GRHL2: variants seen among roughly 807,000 people sequenced by gnomAD.
GRHL2 encodes the protein grainyhead-like protein 2 homolog.
GRHL2 carries 21 observed loss-of-function variants against 83.8 expected under a neutral mutation model. The ratio of observed to expected loss-of-function variants is 0.25; its 90% confidence interval spans 0.18 to 0.36. The LOEUF (loss-of-function observed/expected upper bound fraction) is 0.36, where lower values mean the gene tolerates loss of function less well. GRHL2 is among the 10% of genes least tolerant of loss of function. GRHL2 has a pLI of 1.00. For synonymous variants in GRHL2, 280 were observed against 278.9 expected (o/e 1.00, Z -0.04); for missense variants, 623 against 781.8 (o/e 0.80, Z 2.42).
intron 1 of GRHL2, among the ~76,000 whole-genome samples, chr8:101,505,577 CA>C (rs11395323): frequency 0.13 from 12,865 of 100,824 alleles, 706 homozygotes; most frequent in African/African-American, 0.25. Flanking sequence ...AACTCTGTCT[CA>C]AAAAAAAAAA....
chr8:101,634,761 G>A (rs1813254179), intron 11 of GRHL2, among the ~76,000 whole-genome samples: 1 of 151,974 alleles, frequency 6.6e-6, no homozygotes, highest in Admixed American at 6.6e-5. Context: ...TTGGGGAGTG[G>A]GTATTTCACT....
At chr8:101,679,113 G>A in the GRHL2 span, among the ~76,000 whole-genome samples, 10 of 124,074 alleles carry the variant, frequency 8.1e-5, no homozygotes, top group East Asian at 2.2e-4. Flanking sequence ...GGCTTCAGAC[G>A]ATCAAATTAC....
At chr8:101,577,294 A>G in intron 6 of GRHL2, 114 bp from the exon 7 acceptor site, 1 of 736,880 alleles carries the variant, frequency 1.4e-6, no homozygotes, top group Non-Finnish European at 2.4e-6. Context: ...GGCTTTTCTA[A>G]AGCAAGAAAA....
intron 10 of GRHL2, 130 bp from the exon 11 acceptor site, chr8:101,632,096 T>C: frequency 1.0e-6 from 1 of 978,170 alleles, no homozygotes; most frequent in Admixed American, 1.8e-5. Context: ...GTGGGAGGTG[T>C]TGAAGTGTGT....
At position 101,496,744 on chromosome 8, in the gene GRHL2, G is replaced by T. The variant is rs190579961; in HGVS notation, c.20+3955G>T. On this transcript the variant is annotated intron_variant, in intron 1 of 15. Coordinates refer to ENST00000646743, the MANE Select transcript of GRHL2 (RefSeq NM_024915.4). ...GATCATGGACAGCTTCTCCAATGAG[G>T]TGAGCTTTGAGTGGAGGCCTGAGTG... 2.9e-4 allele frequency among the ~76,000 whole-genome samples: 44 copies of T among 152,302 alleles called. No individual in the cohort carries two copies. In the East Asian group the frequency reaches 6.8e-3, roughly 23 times the overall value.
intron 14 of GRHL2, among the ~76,000 whole-genome samples, chr8:101,651,941 A>T (rs1752936590): frequency 1.3e-5 from 2 of 152,186 alleles, no homozygotes; most frequent in Admixed American, 1.3e-4. Flanking sequence ...TTCCTCCAGG[A>T]TCCTCGGGTG....
chr8:101,516,801 G>T (rs1375162043), intron 1 of GRHL2, among the ~76,000 whole-genome samples: 1 of 152,168 alleles, frequency 6.6e-6, no homozygotes, highest in Non-Finnish European at 1.5e-5. Flanking sequence ...TTCCAACCAT[G>T]AAGATAAAGG....
Position 101,632,351 on chromosome 8 carries a change from C to A in GRHL2, c.1471C>A (p.Gln491Lys). The A allele has an allele frequency of 6.2e-7, 1 of 1,613,942 alleles. No homozygotes were observed. Among genetic ancestry groups the A allele is most frequent in the Non-Finnish European group, 8.5e-7 (1 of 1,179,850 alleles). ...ACCTGATGTTCACTTTGCAAACCTG[C>A]AGAGGACCGGACAGGTATGACCTAC... ...FIPDVHFANL[Q>K]RTGQVYYNTD... The change falls in exon 11 of 16, where the codon CAG becomes AAG. Residue 491 changes from glutamine to lysine, a missense_variant. Around this residue, in one of 8 missense-constraint regions of GRHL2, gnomAD observed 210 missense variants for 254.8 expected, o/e 0.82. Coordinates refer to ENST00000646743, the MANE Select transcript of GRHL2 (RefSeq NM_024915.4).
rs111593572 is a variant in GRHL2, at chr8:101,492,522, G to C, written c.-248G>C. On this transcript the variant is annotated 5_prime_UTR_variant, in exon 1 of 16. Transcript: ENST00000646743. ...CCACGATCCAGGAGGACTCCGCGCC[G>C]CCCGGCCGCCTCCGAGCTCGGGCCC... 4.9e-6 allele frequency: 3 copies of C among 606,256 alleles called. No homozygotes were observed. The highest frequency in any genetic ancestry group is 3.7e-5 in the African/African-American group (2 of 53,960). 37.6% of individuals were successfully genotyped at this position (606,256 alleles called of 1,614,324 possible).
chr8:101,609,067 C>T (rs970885820), intron 8 of GRHL2, among the ~76,000 whole-genome samples: 10 of 150,152 alleles, frequency 6.7e-5, no homozygotes, highest in Non-Finnish European at 1.3e-4. Flanking sequence ...TGAGAAAGGA[C>T]GAGATTGCTG....
chr8:101,499,023 T>C (rs1363102691), intron 1 of GRHL2, among the ~76,000 whole-genome samples: 4 of 148,978 alleles, frequency 2.7e-5, no homozygotes, highest in Admixed American at 6.8e-5. Context: ...TGCAGTGAGC[T>C]GAGATTGTGC....
intron 4 of GRHL2, among the ~76,000 whole-genome samples, chr8:101,563,019 G>C (rs78482217): frequency 0.023 from 3,494 of 152,262 alleles, 127 homozygotes; most frequent in African/African-American, 0.078. Flanking sequence ...TGAAAATAAT[G>C]AATATTTGAT....
chr8:101,640,858 A>G (rs1813386643), intron 12 of GRHL2, among the ~76,000 whole-genome samples: 1 of 152,124 alleles, frequency 6.6e-6, no homozygotes, highest in Non-Finnish European at 1.5e-5. Context: ...ACTCTCTCCA[A>G]GACTTTATTT....
At chr8:101,561,168 T>A (rs1009853103) in intron 4 of GRHL2, among the ~76,000 whole-genome samples, 4 of 151,912 alleles carry the variant, frequency 2.6e-5, no homozygotes, top group African/African-American at 9.7e-5. Flanking sequence ...TTTTTTTTTT[T>A]ACTTTTTAAA....
chr8:101,629,486 C>T (rs920028776), intron 9 of GRHL2, among the ~76,000 whole-genome samples: 1 of 151,942 alleles, frequency 6.6e-6, no homozygotes, highest in Non-Finnish European at 1.5e-5. Context: ...GGAACTGAAC[C>T]CACAGTACCT....
chr8:101,527,958 T>A (rs1412051395), intron 1 of GRHL2, among the ~76,000 whole-genome samples: 1 of 152,188 alleles, frequency 6.6e-6, no homozygotes, highest in Non-Finnish European at 1.5e-5. Context: ...ATTTGTAGCA[T>A]TTTTAAATTT....
chr8:101,544,465 A>G (rs1456155561), intron 2 of GRHL2, among the ~76,000 whole-genome samples: 1 of 152,230 alleles, frequency 6.6e-6, no homozygotes, highest in East Asian at 1.9e-4. Flanking sequence ...CAGGAAATCA[A>G]ACAAAAACAA....
chr8:101,671,366 C>G (rs1814204963), downstream of GRHL2, among the ~76,000 whole-genome samples: 1 of 152,188 alleles, frequency 6.6e-6, no homozygotes, highest in Non-Finnish European at 1.5e-5. Context: ...AGATTATATC[C>G]CGCACGTGGC....
Position 101,573,650 on chromosome 8 carries a change from GT to G in GRHL2, c.735-15del, listed in dbSNP as rs767400607. 1 of 1,614,124 alleles carries G rather than the reference GT, an allele frequency of 6.2e-7. No homozygotes were observed. The highest frequency in any genetic ancestry group is 1.1e-5 in the South Asian group (1 of 91,076). ...GTCCAAGTGAGTGGATCTGACCGCT[GT>G]TTGTTTTCTTTCACAGTGGCACATT... is the stretch of plus-strand genomic sequence containing the variant. On this transcript the variant is annotated splice_polypyrimidine_tract_variant and intron_variant, in intron 5 of 15. Transcript: ENST00000646743.
Sources: allele counts gnomAD v4.1 joint callset (sites outside exome capture counted in the v4.1 genomes callset), GRCh38; gene constraint gnomAD v4.1.1; regional missense constraint gnomAD v4.1.1; transcripts MANE v1.5; gene names NCBI Gene and HGNC (gene_info 2026-07-23, HGNC 2026-07-21).